Variants in SUGCT observed in about 807,000 individuals in gnomAD.
The protein encoded by SUGCT is succinyl-CoA:glutarate CoA-transferase.
In SUGCT, 41 loss-of-function variants were observed where a neutral mutation model predicts 55.0. That is an observed-to-expected ratio of 0.74 (90% CI 0.58 to 0.97). SUGCT has a LOEUF of 0.97. Ranked by LOEUF, SUGCT falls within the 50% of genes least tolerant of loss-of-function variation. The pLI, the probability that SUGCT is intolerant of heterozygous loss-of-function variation, is 0.00. For synonymous variants in SUGCT, 187 were observed against 200.4 expected, an observed-to-expected ratio of 0.93 and a Z score of 0.56; for missense variants, 568 against 547.8, an observed-to-expected ratio of 1.04 and a Z score of -0.37.
intron 8 of SUGCT, among the ~76,000 whole-genome samples, chr7:40,295,862 T>C (rs1024768098): frequency 2.6e-5 from 4 of 152,216 alleles, no homozygotes; most frequent in African/African-American, 9.6e-5. Flanking sequence ...CTCTACCATA[T>C]GCTTAATTGC....
rs147609869 is a variant in SUGCT, at chr7:40,749,833, G to T, written c.1153+336G>T. On this transcript the variant is annotated intron_variant, in intron 13 of 13. Coordinates refer to ENST00000335693, the MANE Select transcript of SUGCT (RefSeq NM_001193313.2). ...TAGGTATGGCCAATAACAAGAAATA[G>T]AGTGTCGTTCATATGAGAATTGGAA... is the stretch of plus-strand genomic sequence containing the variant. 6.7e-4 allele frequency among the ~76,000 whole-genome samples: 102 copies of T among 152,282 alleles called. 1 individual carries two copies. The highest frequency in any genetic ancestry group is 2.3e-3 in the African/African-American group (97 of 41,570).
chr7:40,530,462 G>C lies in SUGCT; in HGVS notation c.1089+34076G>C, dbSNP rs139707172. 5.7e-3 allele frequency among the ~76,000 whole-genome samples: 866 copies of C among 152,292 alleles called. 11 individuals carry two copies. The highest frequency in any genetic ancestry group is 0.02 in the African/African-American group (827 of 41,578). ...GAGTTCAGTGACCACACTGAAACTT[G>C]AGAAGAGCATGCTTACAATTTAGCT... On this transcript the variant is annotated intron_variant, in intron 12 of 13. Coordinates refer to ENST00000335693, the MANE Select transcript of SUGCT (RefSeq NM_001193313.2).
intron 7 of SUGCT, among the ~76,000 whole-genome samples, chr7:40,270,286 T>G (rs1219167209): frequency 2.6e-5 from 4 of 152,178 alleles, no homozygotes; most frequent in Non-Finnish European, 5.9e-5. Context: ...GTCCAATTTA[T>G]TTTTTCTTTT....
intron 12 of SUGCT, among the ~76,000 whole-genome samples, chr7:40,635,242 C>T (rs1039945937): frequency 9.9e-5 from 15 of 151,734 alleles, no homozygotes; most frequent in African/African-American, 3.2e-4. Flanking sequence ...GCCAAGATCG[C>T]ACCACTGCAC....
intron 12 of SUGCT, among the ~76,000 whole-genome samples, chr7:40,685,441 A>C (rs1784423240): frequency 6.6e-6 from 1 of 152,146 alleles, no homozygotes; most frequent in Non-Finnish European, 1.5e-5. Flanking sequence ...CATTTTCTAG[A>C]ACCCTGTTTT....
At chr7:40,676,504 G>GTTTTTTTT (rs70990639) in intron 12 of SUGCT, among the ~76,000 whole-genome samples, 2 of 129,090 alleles carry the variant, frequency 1.5e-5, no homozygotes, top group African/African-American at 3.0e-5. Context: ...TTTGTTTTTT[G>GTTTTTTTT]TTTTTTTTTT....
At chr7:40,399,070 A>G (rs1260411318) in intron 9 of SUGCT, among the ~76,000 whole-genome samples, 2 of 152,200 alleles carry the variant, frequency 1.3e-5, no homozygotes, top group Admixed American at 1.3e-4. Context: ...ATAGATGATT[A>G]TACATTATCA....
rs1181930322 is a variant in SUGCT, at chr7:40,229,518, C to CA, written c.485-8105dup. Among the ~76,000 whole-genome samples, 1,036 of 110,422 alleles carry CA rather than the reference C, an allele frequency of 9.4e-3. 9 individuals are homozygous for CA. The highest frequency in any genetic ancestry group is 0.032 in the African/African-American group (930 of 29,076). The allele number at this position is 110,422 out of a possible 152,430, so 72.4% of individuals were successfully genotyped here. A position where few individuals can be genotyped will look rare whatever the true frequency, so the allele number is the denominator to read the frequency against. ...TGGGCAATAGAGTGAGACCCCGTCT[C>CA]AAAAAAAAAAAAGTCCTGGTGCGGT... On this transcript the variant is annotated intron_variant, in intron 6 of 13. Transcript: ENST00000335693.
At chr7:40,483,110 A>G (rs1791145690) in intron 11 of SUGCT, among the ~76,000 whole-genome samples, 1 of 152,204 alleles carries the variant, frequency 6.6e-6, no homozygotes, top group African/African-American at 2.4e-5. Context: ...TACGGTAGAA[A>G]TGCCGACCAA....
chr7:40,868,314 C>A, the SUGCT span, among the ~76,000 whole-genome samples: 1 of 152,122 alleles, frequency 6.6e-6, no homozygotes, highest in Non-Finnish European at 1.5e-5. Context: ...GTTACCTCCC[C>A]TCACCCCTCA....
At chr7:40,400,318 G>C (rs750051193) in intron 9 of SUGCT, among the ~76,000 whole-genome samples, 11 of 152,120 alleles carry the variant, frequency 7.2e-5, no homozygotes, top group Non-Finnish European at 1.6e-4. Context: ...TTGGATTATG[G>C]TTCTCCAAGC....
At chr7:41,025,501 C>T in the SUGCT span, among the ~76,000 whole-genome samples, 1 of 152,032 alleles carries the variant, frequency 6.6e-6, no homozygotes, top group South Asian at 2.1e-4. Flanking sequence ...TCCCGAGTAG[C>T]TGGAACTACA....
intron 12 of SUGCT, among the ~76,000 whole-genome samples, chr7:40,665,876 T>A (rs1801601977): frequency 6.6e-6 from 1 of 152,150 alleles, no homozygotes; most frequent in Non-Finnish European, 1.5e-5. Flanking sequence ...TAAGTATAAA[T>A]GCTGAGGTTG....
chr7:40,369,357 T>C (rs181855139), intron 9 of SUGCT, among the ~76,000 whole-genome samples: 25 of 152,320 alleles, frequency 1.6e-4, no homozygotes, highest in Non-Finnish European at 2.6e-4. Context: ...GACTTCTAAA[T>C]TGAGTTTTTC....
At chr7:40,815,846 G>C (rs1791642222) in intron 13 of SUGCT, among the ~76,000 whole-genome samples, 1 of 152,132 alleles carries the variant, frequency 6.6e-6, no homozygotes, top group Non-Finnish European at 1.5e-5. Context: ...CCTGTGAATG[G>C]AGCGGCAAGA....
chr7:40,135,748 C>G (rs1449502290), intron 1 of SUGCT, among the ~76,000 whole-genome samples: 3 of 150,328 alleles, frequency 2.0e-5, no homozygotes, highest in Non-Finnish European at 3.0e-5. Context: ...CCTCCTCCTC[C>G]CGTGTTCAGG....
intron 12 of SUGCT, among the ~76,000 whole-genome samples, chr7:40,746,797 C>T (rs889791826): frequency 6.6e-6 from 1 of 152,116 alleles, no homozygotes; most frequent in Non-Finnish European, 1.5e-5. Flanking sequence ...TAAAATTCAG[C>T]GTTAATTAAT....
At chr7:40,300,088 A>G (rs753068085) in intron 8 of SUGCT, among the ~76,000 whole-genome samples, 54 of 152,222 alleles carry the variant, frequency 3.5e-4, no homozygotes, top group Non-Finnish European at 4.4e-5. Context: ...TTGTATAGCA[A>G]AACCCTAAGT....
chr7:40,294,855 G>A (rs1794018142), intron 8 of SUGCT, among the ~76,000 whole-genome samples: 1 of 152,070 alleles, frequency 6.6e-6, no homozygotes, highest in Non-Finnish European at 1.5e-5. Flanking sequence ...CCCTGTTGAT[G>A]CATTATTAAT....
Sources: allele counts gnomAD v4.1 joint callset (sites outside exome capture counted in the v4.1 genomes callset), GRCh38; gene constraint gnomAD v4.1.1; transcripts MANE v1.5; gene names NCBI Gene and HGNC (gene_info 2026-07-23, HGNC 2026-07-21).